The following DNMT3B variants were observed in gnomAD, a reference collection of about 807,000 sequenced individuals.
The protein encoded by DNMT3B is DNA (cytosine-5)-methyltransferase 3B.
In DNMT3B, 37 loss-of-function variants were observed where a neutral mutation model predicts 120.2. That is an observed-to-expected ratio of 0.31 (90% confidence interval 0.24 to 0.40). The LOEUF is 0.40. Ranked by LOEUF, DNMT3B falls within the 10% of genes least tolerant of loss-of-function variation. The pLI, the probability that DNMT3B is intolerant of heterozygous loss-of-function variation, is 1.00. For missense variants in DNMT3B, 878 were observed against 1,137.3 expected (o/e 0.77, Z 3.28); for synonymous variants, 412 against 442.8 (o/e 0.93, Z 0.87).
At chr20:32,792,873 A>G in intron 9 of DNMT3B, 103 bp downstream of exon 9, 1 of 1,525,388 alleles carries the variant, frequency 6.6e-7, no homozygotes. Context: ...CCAGCTTTCT[A>G]GCAGCTGGTC....
intron 1 of DNMT3B, among the ~76,000 whole-genome samples, chr20:32,776,609 G>C (rs1988083907): frequency 6.6e-6 from 1 of 152,186 alleles, no homozygotes. Flanking sequence ...GTCAGTCTCT[G>C]TCTTGGTTTC....
At chr20:32,790,932 G>A (rs185439604) in intron 7 of DNMT3B, among the ~76,000 whole-genome samples, 4 of 152,310 alleles carry the variant, frequency 2.6e-5, no homozygotes, top group Non-Finnish European at 4.4e-5. Flanking sequence ...AAAGTGCTGG[G>A]AATATAGGCC....
intron 8 of DNMT3B, 37 bp downstream of exon 8, chr20:32,791,745 G>A: frequency 1.9e-6 from 3 of 1,606,100 alleles, no homozygotes; most frequent in Non-Finnish European, 2.6e-6. Context: ...TAAGCCCTGA[G>A]AGCAGGGATG....
rs758473556 is a variant in DNMT3B, at chr20:32,800,257, A to G, written c.1864A>G (p.Ile622Val). 10 of 1,614,130 alleles carry G rather than the reference A, an allele frequency of 6.2e-6. No homozygotes were observed. In the East Asian group the frequency reaches 1.8e-4, roughly 29 times the overall value. The change falls in exon 17 of 23, where the codon ATC becomes GTC. Residue 622 changes from isoleucine to valine, a missense_variant. Physicochemically the swap from Ile to Val is conservative, Grantham distance 29. Transcript: ENST00000328111. ...AVGTVKHEGN[I>V]KYVNDVRNIT... Reference sequence around the variant, plus strand: ...TGGAACCGTGAAGCACGAGGGGAATATCAAATACGTGAACGACGTGAGGAA... The same window carrying G: ...TGGAACCGTGAAGCACGAGGGGAATGTCAAATACGTGAACGACGTGAGGAA...
In DNMT3B at chr20:32,786,465, C is replaced by G. The variant is rs562963148; in HGVS notation, c.307-37C>G. 3.7e-6 allele frequency: 6 copies of G among 1,613,652 alleles called. No homozygotes were observed. The East Asian group carries it at 1.3e-4, about 36-fold the overall frequency. On this transcript the variant is annotated intron_variant, in intron 4 of 22. Coordinates refer to ENST00000328111, the MANE Select transcript of DNMT3B (RefSeq NM_006892.4). Reference sequence around the variant, plus strand: ...CCCCGCCAGACCCCAGGCCTCCAGTCACCTAAGGCCCAGTGAGTGTCCTCT... The same window carrying G: ...CCCCGCCAGACCCCAGGCCTCCAGTGACCTAAGGCCCAGTGAGTGTCCTCT...
In DNMT3B at chr20:32,799,321, C is replaced by T. The variant is rs767945175; in HGVS notation, c.1752C>T (p.Ile584=). 3.0e-5 allele frequency: 49 copies of T among 1,612,504 alleles called. No homozygotes were observed. The highest frequency in any genetic ancestry group is 3.9e-5 in the Non-Finnish European group (46 of 1,179,510). Residue 584 remains isoleucine (I), a synonymous_variant, in exon 16 of 23, where the codon ATC becomes ATT. Transcript: ENST00000328111. ...PIRVLSLFDG[I]ATGYLVLKEL... is the part of the protein sequence containing the mutation. ...GAGTCCTGTCATTGTTTGATGGCAT[C>T]GCGACAGGTGAGTTCGGGGAACACC...
At chr20:32,804,912 C>A (rs540974904) in intron 20 of DNMT3B, among the ~76,000 whole-genome samples, 1 of 152,044 alleles carries the variant, frequency 6.6e-6, no homozygotes, top group Non-Finnish European at 1.5e-5. Context: ...GCCACCAAAC[C>A]GTGGGTGTGA....
chr20:32,773,861 C>T (rs1987893749), intron 1 of DNMT3B, among the ~76,000 whole-genome samples: 1 of 150,282 alleles, frequency 6.7e-6, no homozygotes, highest in Non-Finnish European at 1.5e-5. Flanking sequence ...CGTTGAACTC[C>T]TGAGCCCAAG....
chr20:32,792,739 C>T lies in DNMT3B; in HGVS notation c.1035C>T (p.Ile345=), dbSNP rs150148922. 930 of 1,614,100 alleles carry T rather than the reference C, an allele frequency of 5.8e-4. No individual in the cohort carries two copies. The highest frequency in any genetic ancestry group is 1.6e-3 in the Middle Eastern group (10 of 6,078). The change falls in exon 9 of 23, where the codon ATC becomes ATT. Residue 345 remains isoleucine, a synonymous_variant. Coordinates refer to ENST00000328111, the MANE Select transcript of DNMT3B (RefSeq NM_006892.4). The stretch of plus-strand genomic sequence containing the variant: ...ACGGGGGCTTCAAGCCCACTGGGAT[C>T]GAGGGCCTCAAACCCAACAACACGC... ...WAHGGFKPTG[I]EGLKPNNTQP...
chr20:32,793,374 G>A (rs966592763), intron 9 of DNMT3B, among the ~76,000 whole-genome samples, 162 bp from the exon 10 acceptor site: 6 of 152,194 alleles, frequency 3.9e-5, no homozygotes, highest in African/African-American at 1.2e-4. Context: ...GGCTGAGGTG[G>A]GAGAATTGGC....
intron 1 of DNMT3B, chr20:32,779,936 G>T: frequency 1.3e-6 from 1 of 741,086 alleles, no homozygotes; most frequent in Non-Finnish European, 2.3e-6. Flanking sequence ...CAGGGAGAGG[G>T]GGCCAGGGCC....
chr20:32,795,845 G>A (rs968548811), intron 12 of DNMT3B, 151 bp downstream of exon 12: 3 of 1,016,878 alleles, frequency 3.0e-6, no homozygotes, highest in Non-Finnish European at 4.5e-6. Context: ...CTGCATCTTA[G>A]TTGCTAGTTT....
At chr20:32,789,205 T>C (rs762250690) in intron 7 of DNMT3B, among the ~76,000 whole-genome samples, 193 bp downstream of exon 7, 9 of 152,264 alleles carry the variant, frequency 5.9e-5, no homozygotes, top group Non-Finnish European at 1.2e-4. Context: ...ACAAAAGTGC[T>C]AGAAAGTTCT....
At chr20:32,784,254 G>T (rs968882451) in intron 3 of DNMT3B, among the ~76,000 whole-genome samples, 3 of 152,178 alleles carry the variant, frequency 2.0e-5, no homozygotes, top group Admixed American at 6.5e-5. Context: ...GGCCAGGCTG[G>T]TCTGGTGACC....
At chr20:32,774,792 T>C (rs561392935) in intron 1 of DNMT3B, among the ~76,000 whole-genome samples, 17 of 151,950 alleles carry the variant, frequency 1.1e-4, no homozygotes, top group Non-Finnish European at 2.4e-4. Context: ...GATCTCAACC[T>C]CACTGCAACC....
In DNMT3B at chr20:32,791,663, C is replaced by T. The variant is rs562170147; in HGVS notation, c.876C>T (p.Phe292=). 2 of 1,614,162 alleles carry T rather than the reference C, an allele frequency of 1.2e-6. No homozygotes were observed. Among genetic ancestry groups the T allele is most frequent in the Admixed American group, 1.7e-5 (1 of 60,026 alleles). ...GCCAGCACTTTAATTTGGCCACCTT[C>T]AATAAGCTCGTCTCCTATCGAAAAG... is the stretch of plus-strand genomic sequence containing the variant. The part of the protein sequence containing the change: ...LFSQHFNLAT[F]NKLVSYRKAM... The change falls in exon 8 of 23, where the codon TTC becomes TTT. Residue 292 remains phenylalanine (F), a synonymous_variant. Transcript: ENST00000328111.
Position 32,798,499 on chromosome 20 carries a change from A to C in DNMT3B, c.1530A>C (p.Thr510=), listed in dbSNP as rs1256053857. Residue 510 remains threonine (T), a synonymous_variant, in exon 15 of 23, where the codon ACA becomes ACC. Transcript: ENST00000328111. The part of the protein sequence containing the change: ...CVECLEVLVG[T]GTAAEAKLQE... ...AGTGCCTGGAGGTGCTGGTGGGCAC[A>C]GGCACAGCGGCCGAGGCCAAGCTTC... is the stretch of plus-strand genomic sequence containing the variant. 6.2e-7 allele frequency: 1 copy of C among 1,614,234 alleles called. No homozygotes were observed. The highest frequency in any genetic ancestry group is 1.1e-5 in the South Asian group (1 of 91,088).
chr20:32,778,597 T>TG (rs1294011040), intron 1 of DNMT3B, among the ~76,000 whole-genome samples: 1 of 152,184 alleles, frequency 6.6e-6, no homozygotes, highest in African/African-American at 2.4e-5. Flanking sequence ...CACCTCTGCC[T>TG]GGGGGCGCCA....
rs1440651082 is a variant in DNMT3B at position 32,793,540 on chromosome 20, T to C, written c.1071T>C (p.Val357=). ...GTTTTGTTTTCCCCTCAAAAGTGGT[T>C]AATAAGTCGAAGGTGCGTCGTGCAG... ...GLKPNNTQPV[V]NKSKVRRAGS... is the part of the protein sequence containing the mutation. Residue 357 remains valine (V), a synonymous_variant, in exon 10 of 23, where the codon GTT becomes GTC. Coordinates refer to ENST00000328111, the MANE Select transcript of DNMT3B (RefSeq NM_006892.4). 1.2e-6 allele frequency: 2 copies of C among 1,614,098 alleles called. No homozygotes were observed.
Sources: allele counts gnomAD v4.1 joint callset (sites outside exome capture counted in the v4.1 genomes callset), GRCh38; gene constraint gnomAD v4.1.1; transcripts MANE v1.5; gene names NCBI Gene and HGNC (gene_info 2026-07-23, HGNC 2026-07-21).